The following NOM1 variants were observed in gnomAD, a reference collection of about 807,000 sequenced individuals.
NOM1 encodes the protein nucleolar protein with MIF4G domain 1.
A neutral mutation model predicts 73.3 loss-of-function variants in NOM1; 58 were observed. That is an observed-to-expected ratio of 0.79 (90% CI 0.64 to 0.99). The LOEUF (loss-of-function observed/expected upper bound fraction) is 0.99, where lower values mean the gene tolerates loss of function less well. Among genes scored for constraint, NOM1 ranks in the 50% least tolerant of loss-of-function variants. NOM1 has a pLI of 0.00. For missense variants in NOM1, 1,226 were observed against 1,131.9 expected (o/e 1.08, Z -1.19); for synonymous variants, 487 against 446.8 (o/e 1.09, Z -1.14).
At chr7:156,968,703 A>ATATATATATATATATATATACACG (rs1805067233) in intron 9 of NOM1, 1 of 12,022 alleles carries the variant, frequency 8.3e-5, no homozygotes, top group African/African-American at 3.4e-4. Context: ...ATATATATAT[A>ATATATATATATATATATATACACG]TATATATATA....
At chr7:156,966,240 T>C in intron 7 of NOM1, 30 bp from the exon 8 acceptor site, 2 of 1,611,384 alleles carry the variant, frequency 1.2e-6, no homozygotes, top group East Asian at 2.2e-5. Context: ...AGTCGAGTGA[T>C]GTTCCAGTCA....
chr7:156,957,816 C>T (rs973068539), intron 3 of NOM1, among the ~76,000 whole-genome samples: 7 of 146,846 alleles, frequency 4.8e-5, no homozygotes, highest in Admixed American at 4.1e-4. Context: ...AGAAAATATA[C>T]ATGAATATGT....
intron 9 of NOM1, chr7:156,968,799 A>G: frequency 3.8e-6 from 1 of 266,100 alleles, no homozygotes; most frequent in Non-Finnish European, 7.1e-6. Flanking sequence ...TAGATACTGA[A>G]TTTCTGATTC....
At chr7:156,963,740 T>G in intron 6 of NOM1, 165 bp from the exon 7 acceptor site, 1 of 644,088 alleles carries the variant, frequency 1.6e-6, no homozygotes, top group Middle Eastern at 4.5e-4. Flanking sequence ...CTTCACTATG[T>G]GTTCCCCTTG....
At position 156,962,127 on chromosome 7, in the gene NOM1, TC is replaced by T. The variant is rs776443684; in HGVS notation, c.1633-22del. On this transcript the variant is annotated intron_variant, in intron 4 of 10. Coordinates refer to ENST00000275820, the MANE Select transcript of NOM1 (RefSeq NM_138400.2). ...TTAGACTGTTTGAAATGATGGACTT[TC>T]CATTTTTTCATTTTTCTTGAAGATT... The T allele has an allele frequency of 7.8e-5, 124 of 1,596,998 alleles. No individual in the cohort carries two copies. In the African/African-American group the frequency reaches 1.5e-3, roughly 19 times the overall value.
At chr7:156,951,741 A>C (rs1804597394) in intron 1 of NOM1, among the ~76,000 whole-genome samples, 1 of 151,356 alleles carries the variant, frequency 6.6e-6, no homozygotes, top group African/African-American at 2.4e-5. Context: ...TGAGTCTTGC[A>C]CTGTCGTCTA....
At chr7:156,959,803 G>T in intron 3 of NOM1, 48 bp from the exon 4 acceptor site, 1 of 1,552,252 alleles carries the variant, frequency 6.4e-7, no homozygotes, top group Non-Finnish European at 8.8e-7. Flanking sequence ...AAGGAGAAAG[G>T]AAGGTTTCTA....
rs1238625786 is a variant in NOM1, at chr7:156,972,998, C to T, written c.*3295C>T. 6.6e-6 allele frequency: 1 copy of T among 152,160 alleles called. No homozygotes were observed. The highest frequency in any genetic ancestry group is 1.9e-4 in the East Asian group (1 of 5,200). The allele number at this position is 152,160 out of a possible 1,614,324, so 9.4% of individuals were successfully genotyped here. ...TGCAATTGAAAATACACTTAAAATA[C>T]TGCAGGATGCTTAGTGCTCAGTGTT... On this transcript the variant is annotated 3_prime_UTR_variant, in exon 11 of 11. Transcript: ENST00000275820.
intron 7 of NOM1, among the ~76,000 whole-genome samples, chr7:156,965,804 C>T (rs1199817017): frequency 6.6e-6 from 1 of 151,950 alleles, no homozygotes; most frequent in Non-Finnish European, 1.5e-5. Flanking sequence ...AATCCAGCTA[C>T]TCGGGAGGCT....
chr7:156,951,355 C>G (rs957118305), intron 1 of NOM1, among the ~76,000 whole-genome samples: 3 of 152,078 alleles, frequency 2.0e-5, no homozygotes, highest in African/African-American at 7.2e-5. Flanking sequence ...CTACTGCACT[C>G]TAGCCTGGGC....
At chr7:156,962,416 C>G (rs1804888768) in intron 5 of NOM1, among the ~76,000 whole-genome samples, 155 bp downstream of exon 5, 1 of 152,198 alleles carries the variant, frequency 6.6e-6, no homozygotes, top group African/African-American at 2.4e-5. Flanking sequence ...CGGTTTTCCT[C>G]AGGGGCTGTC....
intron 2 of NOM1, among the ~76,000 whole-genome samples, chr7:156,953,309 G>T (rs546595269): frequency 6.6e-6 from 1 of 152,220 alleles, no homozygotes; most frequent in East Asian, 1.9e-4. Context: ...TGTATTTTTA[G>T]TAGAGACGGG....
At chr7:156,963,410 G>T (rs78325481) in intron 6 of NOM1, 131 of 560,890 alleles carry the variant, frequency 2.3e-4, no homozygotes, top group African/African-American at 2.1e-3. Context: ...ATGGCACGGG[G>T]CAGGGGAGCG....
At position 156,966,344 on chromosome 7, in the gene NOM1, AC is replaced by A. The variant is rs1446295308; in HGVS notation, c.2109del (p.Tyr703Ter). On this transcript the variant is annotated frameshift_variant, in exon 8 of 11. Coordinates refer to ENST00000275820, the MANE Select transcript of NOM1 (RefSeq NM_138400.2). LOFTEE classifies it high-confidence loss of function. ...GATTGCTGCCTTCAAGAGAAAACTTACAATCCCTTCTATGCTTTCCTGGCTA... is the reference window on the plus strand; with the variant it reads ...GATTGCTGCCTTCAAGAGAAAACTTAAATCCCTTCTATGCTTTCCTGGCTA... ...LMDCCLQEKT[Y>X]NPFYAFLASK... 1 of 1,614,234 alleles carries A rather than the reference AC, an allele frequency of 6.2e-7. No individual in the cohort carries two copies. Among genetic ancestry groups the A allele is most frequent in the East Asian group, 2.2e-5 (1 of 44,894 alleles).
rs544478101 is a variant in NOM1, at chr7:156,955,661, C to A, written c.1308+1363C>A. 2.6e-5 allele frequency among the ~76,000 whole-genome samples: 4 copies of A among 152,310 alleles called. No individual in the cohort carries two copies. In the South Asian group the frequency reaches 8.3e-4, roughly 32 times the overall value. On this transcript the variant is annotated intron_variant, in intron 3 of 10. Transcript: ENST00000275820. ...CCGGTGAGATCAGGGCAGACCTTTA[C>A]TGAAGCTTGCTTTGCAGTGCAGCAG... is the stretch of plus-strand genomic sequence containing the variant.
At chr7:156,966,210 A>G in intron 7 of NOM1, 60 bp from the exon 8 acceptor site, 2 of 1,599,132 alleles carry the variant, frequency 1.3e-6, no homozygotes, top group Admixed American at 1.7e-5. Context: ...CCTGAAAGGT[A>G]TCAGCCATTA....
intron 3 of NOM1, among the ~76,000 whole-genome samples, chr7:156,955,703 G>T (rs757307100): frequency 3.9e-5 from 6 of 152,182 alleles, no homozygotes; most frequent in Admixed American, 3.9e-4. Context: ...CCGCTGAAGC[G>T]CTATGTGAAA....
intron 1 of NOM1, among the ~76,000 whole-genome samples, chr7:156,952,129 T>C (rs987342574): frequency 3.8e-4 from 58 of 152,262 alleles, no homozygotes; most frequent in African/African-American, 1.4e-3. Context: ...CTACTGTGCC[T>C]GCAGTAAGTT....
Position 156,969,629 on chromosome 7 carries a change from G to A in NOM1, c.2509G>A (p.Glu837Lys), listed in dbSNP as rs776824895. Residue 837 changes from glutamate to lysine, a missense_variant, in exon 11 of 11, where the codon GAA becomes AAA. Glu to Lys is a moderately conservative substitution (Grantham distance 56, BLOSUM62 1). Transcript: ENST00000275820. ...KNAQAHRSAD[E>K]ANVLREKADL... is the part of the protein sequence containing the mutation. Reference sequence around the variant, plus strand: ...CGCACAGGCCCACAGAAGCGCCGACGAAGCCAACGTGCTGAGAGAGAAAGC... The same window carrying A: ...CGCACAGGCCCACAGAAGCGCCGACAAAGCCAACGTGCTGAGAGAGAAAGC... 14 of 1,613,926 alleles carry A rather than the reference G, an allele frequency of 8.7e-6. No homozygotes were observed. The East Asian group carries it at 1.3e-4, about 15-fold the overall frequency.
Sources: gnomAD v4.1 joint callset for allele counts (sites outside exome capture counted in the v4.1 genomes callset) on GRCh38, gnomAD v4.1.1 for gene constraint, MANE v1.5 for transcripts, NCBI Gene and HGNC (gene_info 2026-07-23, HGNC 2026-07-21) for gene names.